Variants in PCDHGA3 observed in about 807,000 individuals in gnomAD.
PCDHGA3 encodes protocadherin gamma subfamily A, 3.
In PCDHGA3, 40 loss-of-function variants were observed where a neutral mutation model predicts 58.5. That is an observed-to-expected ratio of 0.68 (90% CI 0.53 to 0.89). The LOEUF (loss-of-function observed/expected upper bound fraction) is 0.89. Among genes scored for constraint, PCDHGA3 ranks in the 40% least tolerant of loss-of-function variants. The probability of loss-of-function intolerance (pLI) is 0.00; values close to 1 mark genes in which losing one functional copy is unlikely to be tolerated. For synonymous variants in PCDHGA3, 530 were observed against 525.7 expected (o/e 1.01, Z -0.11); for missense variants, 1,223 against 1,195.9 (o/e 1.02, Z -0.33).
chr5:141,418,606 T>A (rs1279991875), intron 1 of PCDHGA3: 1 of 1,614,030 alleles, frequency 6.2e-7, no homozygotes. Context: ...TGTACAGGGT[T>A]AGCCTTCGGG....
intron 3 of PCDHGA3, among the ~76,000 whole-genome samples, chr5:141,510,330 C>T (rs1420880240): frequency 6.6e-6 from 1 of 151,298 alleles, no homozygotes; most frequent in Non-Finnish European, 1.5e-5. Context: ...GCACTCTTCA[C>T]CCCCACCCCA....
Position 141,489,662 on chromosome 5 carries a change from G to T in PCDHGA3, c.2425-5145G>T, listed in dbSNP as rs2233601. On this transcript the variant is annotated intron_variant, in intron 1 of 3. Transcript: ENST00000253812. The surrounding 1 kb of genome is among the most constrained non-coding windows in gnomAD (Gnocchi z 4.5). Reference sequence around the variant, plus strand: ...TTTGCCACCCCTGAGCGAGAGATGCGCATCTCAGAATCAGCAGCATCTGGG... The same window carrying T: ...TTTGCCACCCCTGAGCGAGAGATGCTCATCTCAGAATCAGCAGCATCTGGG... 2.5e-6 allele frequency: 4 copies of T among 1,614,024 alleles called. No homozygotes were observed. The African/African-American group carries it at 4.0e-5, about 16-fold the overall frequency.
At chr5:141,469,373 G>A (rs532041259) in intron 1 of PCDHGA3, among the ~76,000 whole-genome samples, 3 of 151,992 alleles carry the variant, frequency 2.0e-5, no homozygotes, top group South Asian at 2.1e-4. Context: ...TAAAGAGATC[G>A]AGACCATCCT....
intron 1 of PCDHGA3, among the ~76,000 whole-genome samples, chr5:141,369,354 A>G (rs1766176337): frequency 6.6e-6 from 1 of 152,198 alleles, no homozygotes; most frequent in Non-Finnish European, 1.5e-5. Flanking sequence ...GTGATGTAGT[A>G]TGAAAAAACA....
chr5:141,474,135 G>C (rs1032470573), intron 1 of PCDHGA3, among the ~76,000 whole-genome samples: 2 of 152,062 alleles, frequency 1.3e-5, no homozygotes, highest in Admixed American at 1.3e-4. Context: ...GAAAACTACA[G>C]GCCTTATTAT....
chr5:141,441,150 T>C (rs1421773650), intron 1 of PCDHGA3: 4 of 152,122 alleles, frequency 2.6e-5, no homozygotes, highest in African/African-American at 7.2e-5. Context: ...ATAATGACAA[T>C]ATCCTAGAGG....
intron 1 of PCDHGA3, chr5:141,414,096 A>G (rs2095708665): frequency 1.9e-6 from 3 of 1,595,210 alleles, no homozygotes; most frequent in Middle Eastern, 3.3e-4. Context: ...AAATAAAAAT[A>G]TCAGAAAATC....
chr5:141,421,734 G>A (rs761780459), intron 1 of PCDHGA3: 1 of 1,613,948 alleles, frequency 6.2e-7, no homozygotes, highest in Non-Finnish European at 8.5e-7. Flanking sequence ...ACTCCCTCCA[G>A]AGCTACCAGC....
At chr5:141,395,447 G>T in intron 1 of PCDHGA3, 1 of 645,040 alleles carries the variant, frequency 1.6e-6, no homozygotes, top group South Asian at 2.4e-5. Context: ...GGAAAAGATT[G>T]TTCAACCATT....
At chr5:141,401,079 C>T (rs1245954946) in intron 1 of PCDHGA3, among the ~76,000 whole-genome samples, 16 of 152,196 alleles carry the variant, frequency 1.1e-4, no homozygotes, top group Admixed American at 1.0e-3. Flanking sequence ...TGCAGTGGCT[C>T]ATGCCTGTAA....
rs1474643025 is a variant in PCDHGA3 at position 141,370,777 on chromosome 5, AC to A, written c.2424+24321del. 10 of 1,613,896 alleles carry A rather than the reference AC, an allele frequency of 6.2e-6. No homozygotes were observed. The African/African-American group carries it at 1.2e-4, about 19-fold the overall frequency. ...ACTGTGCTGATCCAGGATATTAACG[AC>A]AACCCACCGACCTTTAGCCAAAATA... On this transcript the variant is annotated intron_variant, in intron 1 of 3. Transcript: ENST00000253812.
In PCDHGA3 at chr5:141,422,647, T is replaced by G. The variant is rs773990745; in HGVS notation, c.2425-72160T>G. 2.5e-6 allele frequency: 4 copies of G among 1,611,858 alleles called. No individual in the cohort carries two copies. In the South Asian group the frequency reaches 4.4e-5, roughly 18 times the overall value. On this transcript the variant is annotated intron_variant, in intron 1 of 3. Transcript: ENST00000253812. ...CAACCCCAGGGGTGCCTCCATCTTC[T>G]CAGTGACCGCCCTCGACCCGGACAG...
chr5:141,370,403 T>C (rs1766874006), intron 1 of PCDHGA3: 2 of 1,554,604 alleles, frequency 1.3e-6, no homozygotes, highest in Non-Finnish European at 1.7e-6. Context: ...GGATGGGAAA[T>C]AGCTCCGGAT....
At position 141,345,701 on chromosome 5, in the gene PCDHGA3, C is replaced by T. The variant is rs745711073; in HGVS notation, c.1668C>T (p.Asn556=). ...TGAACCTGTTCGTGCTGGACCAGAACGACAACGCGCCCGAGATCCTGTACC... is the reference window on the plus strand; with the variant it reads ...TGAACCTGTTCGTGCTGGACCAGAATGACAACGCGCCCGAGATCCTGTACC... ...VSLNLFVLDQ[N]DNAPEILYPA... The change falls in exon 1 of 4, where the codon AAC becomes AAT. Residue 556 remains asparagine (N), a synonymous_variant. Transcript: ENST00000253812. The T allele has an allele frequency of 9.9e-6, 16 of 1,614,102 alleles. No individual in the cohort carries two copies. Among genetic ancestry groups the T allele is most frequent in the East Asian group, 4.5e-5 (2 of 44,884 alleles).
At chr5:141,481,191 C>A (rs1244434918) in intron 1 of PCDHGA3, among the ~76,000 whole-genome samples, 1 of 152,148 alleles carries the variant, frequency 6.6e-6, no homozygotes, top group Non-Finnish European at 1.5e-5. Context: ...GGGCCAGGCC[C>A]AATTTTTTTA....
At chr5:141,399,597 C>A in intron 1 of PCDHGA3, 3 of 1,613,958 alleles carry the variant, frequency 1.9e-6, no homozygotes, top group Non-Finnish European at 2.5e-6. Context: ...TCATGGCCAG[C>A]GACCTAGAGC....
In PCDHGA3 at chr5:141,408,212, A is replaced by C. The variant is rs1360693546; in HGVS notation, c.2424+61755A>C. ...AGAACCCGAGCGAACGATGGGAGGGAGCTGCGCGCAGAGGCGCCGGGCCGG... is the reference window on the plus strand; with the variant it reads ...AGAACCCGAGCGAACGATGGGAGGGCGCTGCGCGCAGAGGCGCCGGGCCGG... On this transcript the variant is annotated intron_variant, in intron 1 of 3. Coordinates refer to ENST00000253812, the MANE Select transcript of PCDHGA3 (RefSeq NM_018916.4). 1.9e-6 allele frequency: 3 copies of C among 1,554,492 alleles called. No individual in the cohort carries two copies. In the Admixed American group the frequency reaches 5.9e-5, roughly 30 times the overall value.
intron 1 of PCDHGA3, chr5:141,356,342 T>A: frequency 6.4e-7 from 1 of 1,555,016 alleles, no homozygotes; most frequent in Non-Finnish European, 8.7e-7. Context: ...GGAAATGGCC[T>A]AGTCACATGT....
intron 1 of PCDHGA3, among the ~76,000 whole-genome samples, chr5:141,481,731 A>G (rs1339022274): frequency 6.6e-6 from 1 of 152,060 alleles, no homozygotes; most frequent in African/African-American, 2.4e-5. Context: ...AGGCGGGCGG[A>G]TCACGAGGTC....
Sources: allele counts gnomAD v4.1 joint callset (sites outside exome capture counted in the v4.1 genomes callset), GRCh38; gene constraint gnomAD v4.1.1; non-coding constraint Gnocchi (gnomAD v3.1); transcripts MANE v1.5; gene names NCBI Gene and HGNC (gene_info 2026-07-23, HGNC 2026-07-21).